UTP4: variants seen among roughly 807,000 people sequenced by gnomAD.
UTP4 encodes the protein U3 small nucleolar RNA-associated protein 4 homolog.
A neutral mutation model predicts 82.4 loss-of-function variants in UTP4; 45 were observed. The observed-to-expected ratio is 0.55, with a 90% CI of 0.43 to 0.70. The LOEUF (loss-of-function observed/expected upper bound fraction) is 0.70, where lower values mean the gene tolerates loss of function less well. Ranked by LOEUF, UTP4 falls within the 30% of genes least tolerant of loss-of-function variation. The probability of loss-of-function intolerance (pLI) is 0.00; values close to 1 mark genes in which losing one functional copy is unlikely to be tolerated. For synonymous variants in UTP4, 348 were observed against 300.3 expected (o/e 1.16, Z -1.64); for missense variants, 819 against 858.3 (o/e 0.95, Z 0.57).
Position 69,168,852 on chromosome 16 carries a change from G to C in UTP4, c.1976G>C (p.Arg659Thr). The part of the protein sequence containing the change: ...PLLFMDLLDE[R>T]TLVAVERPLD... ...CTCTTCATGGATCTTTTGGATGAAA[G>C]AACACTCGTGGCAGTAGAACGGCCT... Residue 659 changes from arginine (R) to threonine (T), a missense_variant, in exon 17 of 17, where the codon AGA becomes ACA. Transcript: ENST00000314423. 1 of 1,613,586 alleles carries C rather than the reference G, an allele frequency of 6.2e-7. No individual in the cohort carries two copies. Among genetic ancestry groups the C allele is most frequent in the East Asian group, 2.2e-5 (1 of 44,876 alleles).
At position 69,163,143 on chromosome 16, in the gene UTP4, A is replaced by G. The variant is rs771370708; in HGVS notation, c.1612A>G (p.Thr538Ala). 2 of 1,613,966 alleles carry G rather than the reference A, an allele frequency of 1.2e-6. No homozygotes were observed. The highest frequency in any genetic ancestry group is 2.7e-5 in the African/African-American group (2 of 74,904). Residue 538 changes from threonine to alanine, a missense_variant, in exon 14 of 17, where the codon ACC becomes GCC. By Grantham distance (58) the Thr-to-Ala change is moderately conservative. Transcript: ENST00000314423. ...PVTAMAIAPN[T>A]NNLVIAHSDQ... is the part of the protein sequence containing the mutation. The stretch of plus-strand genomic sequence containing the variant: ...GACTGCTATGGCTATTGCCCCCAAT[A>G]CCAACAACCTTGTCATCGCTCATTC...
At chr16:69,143,578 C>T (rs1427558606) in intron 6 of UTP4, among the ~76,000 whole-genome samples, 189 bp downstream of exon 6, 1 of 152,162 alleles carries the variant, frequency 6.6e-6, no homozygotes, top group Non-Finnish European at 1.5e-5. Flanking sequence ...TTAGAGAATA[C>T]AGGATACTCC....
chr16:69,165,503 T>C lies in UTP4; in HGVS notation c.1810T>C (p.Phe604Leu), dbSNP rs1188994571. The change falls in exon 15 of 17, where the codon TTC (phenylalanine) becomes CTC (leucine). Residue 604 changes from phenylalanine to leucine, a missense_variant. By Grantham distance (22) the Phe-to-Leu change is conservative. Coordinates refer to ENST00000314423, the MANE Select transcript of UTP4 (RefSeq NM_032830.3). Reference protein sequence around the residue: ...MHILLHDAYMFCIIDKSLPLP... With the variant: ...MHILLHDAYMLCIIDKSLPLP... The stretch of plus-strand genomic sequence containing the variant: ...CATCCTTCTCCATGATGCCTACATG[T>C]TCTGCATCATTGACAAGTCATTGGT... The C allele has an allele frequency of 6.2e-7, 1 of 1,614,016 alleles. No homozygotes were observed. The highest frequency in any genetic ancestry group is 2.2e-5 in the East Asian group (1 of 44,890).
chr16:69,156,094 T>A, intron 11 of UTP4, 101 bp downstream of exon 11: 1 of 1,204,638 alleles, frequency 8.3e-7, no homozygotes, highest in South Asian at 1.2e-5. Context: ...CTTGCTCAGT[T>A]AAAAACTATT....
intron 1 of UTP4, chr16:69,132,910 G>T: frequency 4.8e-6 from 1 of 207,936 alleles, no homozygotes; most frequent in Non-Finnish European, 9.8e-6. Context: ...TGCTCTGTCT[G>T]CGGGTTCCTA....
chr16:69,137,674 G>A (rs1282919937), intron 3 of UTP4, 127 bp from the exon 4 acceptor site: 6 of 666,484 alleles, frequency 9.0e-6, no homozygotes, highest in African/African-American at 7.3e-5. Flanking sequence ...TCTTTTTCAC[G>A]GCAACTGATA....
intron 2 of UTP4, 123 bp downstream of exon 2, chr16:69,133,741 G>A (rs1435257421): frequency 2.0e-6 from 2 of 983,048 alleles, no homozygotes. Context: ...AAGTTGCTTA[G>A]AACTACCAAA....
chr16:69,156,040 A>G (rs377455196), intron 11 of UTP4, 47 bp downstream of exon 11: 5 of 1,598,058 alleles, frequency 3.1e-6, no homozygotes, highest in African/African-American at 2.7e-5. Flanking sequence ...AACTTCCTAA[A>G]TATGTCATTT....
intron 5 of UTP4, 97 bp from the exon 6 acceptor site, chr16:69,143,081 C>A: frequency 7.6e-7 from 1 of 1,323,892 alleles, no homozygotes; most frequent in Non-Finnish European, 1.1e-6. Flanking sequence ...TGGCCTTAAA[C>A]TCCAGGGCTC....
At chr16:69,142,971 A>C (rs577286150) in intron 5 of UTP4, among the ~76,000 whole-genome samples, 1 of 152,268 alleles carries the variant, frequency 6.6e-6, no homozygotes, top group East Asian at 1.9e-4. Context: ...TACCATTTAT[A>C]GGCTGACTGT....
Position 69,158,519 on chromosome 16 carries a change from A to G in UTP4, c.1444+1279A>G, listed in dbSNP as rs770998330. On this transcript the variant is annotated intron_variant, in intron 12 of 16. Transcript: ENST00000314423. ...TGTTCATAAGCTGATCCAGAAGCCT[A>G]CAGGAGAAGAAACCCACAAGTTAGG... Among the ~76,000 whole-genome samples the G allele has an allele frequency of 2.6e-5, 4 of 152,154 alleles. No homozygotes were observed. The East Asian group carries it at 7.7e-4, about 29-fold the overall frequency.
At chr16:69,140,770 A>G (rs1962938273) in intron 5 of UTP4, among the ~76,000 whole-genome samples, 1 of 151,638 alleles carries the variant, frequency 6.6e-6, no homozygotes, top group Non-Finnish European at 1.5e-5. Flanking sequence ...CCCTTAGCTG[A>G]TTCTTTTGGT....
Position 69,155,939 on chromosome 16 carries a change from T to C in UTP4, c.1233T>C (p.Ser411=). 6.2e-7 allele frequency: 1 copy of C among 1,614,138 alleles called. No individual in the cohort carries two copies. ...CGSWIAYSTV[S]RFFLYRLNYE... ...GTTGGATAGCCTATTCTACAGTTTC[T>C]CGGTTTTTTCTCTATCGGCTGAATT... is the stretch of plus-strand genomic sequence containing the variant. The change falls in exon 11 of 17, where the codon TCT becomes TCC. Residue 411 remains serine, a synonymous_variant. Transcript: ENST00000314423.
At chr16:69,151,299 G>A (rs1435747747) in intron 8 of UTP4, among the ~76,000 whole-genome samples, 2 of 150,212 alleles carry the variant, frequency 1.3e-5, no homozygotes, top group Non-Finnish European at 3.0e-5. Flanking sequence ...GAGCCACCAC[G>A]CTCAGCTTTG....
At chr16:69,167,278 A>G (rs1963725819) in intron 16 of UTP4, 93 bp downstream of exon 16, 2 of 841,080 alleles carry the variant, frequency 2.4e-6, no homozygotes, top group Non-Finnish European at 2.0e-6. Context: ...GAGCACCTTC[A>G]GTTTCCATGC....
At chr16:69,167,346 A>G in intron 16 of UTP4, 161 bp downstream of exon 16, 1 of 654,236 alleles carries the variant, frequency 1.5e-6, no homozygotes, top group Non-Finnish European at 2.7e-6. Flanking sequence ...TCCCTTGTAT[A>G]TGTTTTATTG....
chr16:69,164,136 G>C (rs891758840), intron 14 of UTP4, among the ~76,000 whole-genome samples: 1 of 151,844 alleles, frequency 6.6e-6, no homozygotes, highest in South Asian at 2.1e-4. Context: ...CGCCCGCCTC[G>C]GCCTCCCAAA....
Position 69,143,200 on chromosome 16 carries a change from T to C in UTP4, c.549T>C (p.Ile183=), listed in dbSNP as rs755935890. 6.2e-7 allele frequency: 1 copy of C among 1,614,210 alleles called. No individual in the cohort carries two copies. Among genetic ancestry groups the C allele is most frequent in the Non-Finnish European group, 8.5e-7 (1 of 1,180,020 alleles). Residue 183 remains isoleucine (I), a synonymous_variant, in exon 6 of 17, where the codon ATT becomes ATC. Coordinates refer to ENST00000314423, the MANE Select transcript of UTP4 (RefSeq NM_032830.3). ...CAGGCAGCGCTGTTCATAAGATGAT[T>C]GTGGACAGGCAGTATATGGGCGTGT... The part of the protein sequence containing the change: ...VKSGSAVHKM[I]VDRQYMGVSK...
intron 6 of UTP4, among the ~76,000 whole-genome samples, chr16:69,147,866 T>C (rs1727072198): frequency 1.3e-5 from 2 of 152,312 alleles, no homozygotes; most frequent in African/African-American, 2.4e-5. Flanking sequence ...GTTTCGGATT[T>C]TGGATTAGGA....
Sources: allele counts gnomAD v4.1 joint callset (sites outside exome capture counted in the v4.1 genomes callset), GRCh38; gene constraint gnomAD v4.1.1; transcripts MANE v1.5; gene names NCBI Gene and HGNC (gene_info 2026-07-23, HGNC 2026-07-21).